Variants in SPON1 observed in about 807,000 individuals in gnomAD.
The protein encoded by SPON1 is spondin-1.
SPON1 carries 52 observed loss-of-function variants against 111.7 expected under a neutral mutation model. That is an observed-to-expected ratio of 0.47 (90% confidence interval 0.37 to 0.59). The LOEUF (loss-of-function observed/expected upper bound fraction) is 0.59. Ranked by LOEUF, SPON1 falls within the 20% of genes least tolerant of loss-of-function variation. SPON1 has a pLI of 0.00. For synonymous variants in SPON1, 410 were observed against 395.8 expected, an observed-to-expected ratio of 1.04 and a Z score of -0.43; for missense variants, 957 against 1,068.5, an observed-to-expected ratio of 0.90 and a Z score of 1.46.
At chr11:14,204,526 G>A (rs541872795) in intron 6 of SPON1, among the ~76,000 whole-genome samples, 2 of 152,178 alleles carry the variant, frequency 1.3e-5, no homozygotes, top group South Asian at 4.2e-4. Context: ...GGGCTCAAGT[G>A]ATCCTCCCGC....
chr11:14,235,819 A>G lies in SPON1; in HGVS notation c.826-7513A>G, dbSNP rs75777600. ...AAGGGGGCAGGGACCTGCCATGGAC[A>G]TCAAAGTCCTCACTGAGAAGTTGAC... is the stretch of plus-strand genomic sequence containing the variant. On this transcript the variant is annotated intron_variant, in intron 6 of 15. Transcript: ENST00000576479. Among the ~76,000 whole-genome samples, 80 of 152,306 alleles carry G rather than the reference A, an allele frequency of 5.3e-4. 1 individual carries two copies. The East Asian group carries it at 0.015, about 29-fold the overall frequency.
At chr11:13,975,211 G>A (rs377408851) in intron 1 of SPON1, among the ~76,000 whole-genome samples, 7 of 152,086 alleles carry the variant, frequency 4.6e-5, no homozygotes, top group African/African-American at 1.2e-4. Flanking sequence ...GAGAGCAGAC[G>A]CCATGTCTTT....
chr11:14,212,808 AT>A (rs1425891793), intron 6 of SPON1, among the ~76,000 whole-genome samples: 5 of 152,186 alleles, frequency 3.3e-5, no homozygotes, highest in Admixed American at 6.5e-5. Context: ...GAAGCAACAT[AT>A]AAGCAATGGG....
chr11:13,985,696 T>C (rs1848177243), intron 2 of SPON1, among the ~76,000 whole-genome samples: 1 of 152,178 alleles, frequency 6.6e-6, no homozygotes, highest in African/African-American at 2.4e-5. Context: ...GTAGCAACCT[T>C]GTGTGGTCAG....
chr11:14,056,132 C>T (rs1591363214), intron 3 of SPON1, among the ~76,000 whole-genome samples: 1 of 152,158 alleles, frequency 6.6e-6, no homozygotes, highest in Non-Finnish European at 1.5e-5. Context: ...TTTAGACACC[C>T]AGTGCCTCAG....
intron 6 of SPON1, among the ~76,000 whole-genome samples, chr11:14,140,583 C>T (rs576142883): frequency 7.2e-4 from 109 of 152,258 alleles, no homozygotes; most frequent in African/African-American, 2.3e-3. Context: ...TTAGTAGAGA[C>T]GGGGTTTTAC....
chr11:14,046,396 C>A (rs1848668684), intron 3 of SPON1, among the ~76,000 whole-genome samples: 1 of 152,148 alleles, frequency 6.6e-6, no homozygotes, highest in Non-Finnish European at 1.5e-5. Flanking sequence ...GAGCAGGTAT[C>A]CAGAGGAACA....
chr11:13,969,650 G>T (rs1163580559), intron 1 of SPON1, among the ~76,000 whole-genome samples: 5 of 152,098 alleles, frequency 3.3e-5, no homozygotes, highest in African/African-American at 4.8e-5. Flanking sequence ...GGGACTACAG[G>T]GCTAGATACA....
intron 2 of SPON1, among the ~76,000 whole-genome samples, chr11:14,035,115 TGGA>T (rs1396159389): frequency 2.0e-5 from 3 of 152,218 alleles, no homozygotes. Context: ...ATGTGTATGT[TGGA>T]GTGGAGTGGG....
chr11:14,146,451 A>G (rs1847720054), intron 6 of SPON1, among the ~76,000 whole-genome samples: 1 of 152,128 alleles, frequency 6.6e-6, no homozygotes, highest in African/African-American at 2.4e-5. Context: ...CACCTGGCCT[A>G]CTGTACCTTT....
At chr11:14,069,289 T>C (rs1253359278) in intron 3 of SPON1, among the ~76,000 whole-genome samples, 1 of 152,154 alleles carries the variant, frequency 6.6e-6, no homozygotes, top group Non-Finnish European at 1.5e-5. Flanking sequence ...GTGAAGCACA[T>C]AGGAAGGTGC....
rs369441859 is a variant in SPON1, at chr11:14,256,622, A to G, written c.1239A>G (p.Glu413=). 13 of 1,611,914 alleles carry G rather than the reference A, an allele frequency of 8.1e-6. No individual in the cohort carries two copies. In the African/African-American group the frequency reaches 1.7e-4, roughly 22 times the overall value. Reference sequence around the variant, plus strand: ...AAGTAAAATTCCTTTTTCAGGGTGAACAATGCAATATTGTACCTGACAATG... The same window carrying G: ...AAGTAAAATTCCTTTTTCAGGGTGAGCAATGCAATATTGTACCTGACAATG... ...VVIERIARKG[E]QCNIVPDNVD... is the part of the protein sequence containing the mutation. The change falls in exon 10 of 16, where the codon GAA becomes GAG. Residue 413 remains glutamate, a synonymous_variant. Transcript: ENST00000576479.
chr11:14,266,470 T>G lies in SPON1; in HGVS notation c.*783T>G, dbSNP rs1849270592. The G allele has an allele frequency of 6.6e-6, 1 of 152,124 alleles. No homozygotes were observed. Among genetic ancestry groups the G allele is most frequent in the Non-Finnish European group, 1.5e-5 (1 of 68,028 alleles). 9.4% of individuals were successfully genotyped at this position (152,124 alleles called of 1,614,324 possible). On this transcript the variant is annotated 3_prime_UTR_variant, in exon 16 of 16. Coordinates refer to ENST00000576479, the MANE Select transcript of SPON1 (RefSeq NM_006108.4). ...TACAATTCTTCTGGGAAGCCAGCCT[T>G]CTGAACTTTTTGGTACTAAATCCTT... is the stretch of plus-strand genomic sequence containing the variant.
intron 7 of SPON1, among the ~76,000 whole-genome samples, chr11:14,250,520 C>A (rs782548903): frequency 2.6e-5 from 4 of 151,982 alleles, no homozygotes; most frequent in Non-Finnish European, 5.9e-5. Flanking sequence ...TTTCTGGGAT[C>A]TCCAGTCTGT....
intron 2 of SPON1, among the ~76,000 whole-genome samples, chr11:13,988,837 T>C (rs1004657890): frequency 1.3e-5 from 2 of 152,226 alleles, no homozygotes; most frequent in Non-Finnish European, 2.9e-5. Context: ...TCTGTTTATG[T>C]GATGGATTAC....
intron 5 of SPON1, among the ~76,000 whole-genome samples, chr11:14,127,074 T>C (rs1432050896): frequency 6.6e-6 from 1 of 152,214 alleles, no homozygotes; most frequent in Non-Finnish European, 1.5e-5. Flanking sequence ...GCATTTTCCC[T>C]GCTCTATTTA....
At chr11:14,046,270 T>G (rs1848667526) in intron 3 of SPON1, among the ~76,000 whole-genome samples, 1 of 152,210 alleles carries the variant, frequency 6.6e-6, no homozygotes, top group Non-Finnish European at 1.5e-5. Context: ...CCCTACTCCT[T>G]TCTCTAATTC....
At chr11:14,208,738 T>G (rs1400714767) in intron 6 of SPON1, among the ~76,000 whole-genome samples, 1 of 152,224 alleles carries the variant, frequency 6.6e-6, no homozygotes, top group Non-Finnish European at 1.5e-5. Flanking sequence ...TAACTTCTCC[T>G]TTGCCCATTG....
rs1849163688 is a variant in SPON1, at chr11:14,260,865, AAG to A, written c.1996+116_1996+117del. On this transcript the variant is annotated intron_variant, in intron 14 of 15. Transcript: ENST00000576479. ...CCTAGAATAACATGGTTTGCTGGGG[AAG>A]AGTTTGGGGTTTGGCTTTCAGTGTT... is the stretch of plus-strand genomic sequence containing the variant. 8 of 1,249,732 alleles carry A rather than the reference AAG, an allele frequency of 6.4e-6. No homozygotes were observed. In the South Asian group the frequency reaches 7.9e-5, roughly 12 times the overall value. 77.4% of individuals were successfully genotyped at this position (1,249,732 alleles called of 1,614,324 possible).
Sources: allele counts gnomAD v4.1 joint callset (sites outside exome capture counted in the v4.1 genomes callset), GRCh38; gene constraint gnomAD v4.1.1; transcripts MANE v1.5; gene names NCBI Gene and HGNC (gene_info 2026-07-23, HGNC 2026-07-21).